ZFHX4: variants seen among roughly 807,000 people sequenced by gnomAD.
ZFHX4 encodes zinc finger homeobox 4, also known as zinc finger homeobox protein 4.
A neutral mutation model predicts 267.6 loss-of-function variants in ZFHX4; 56 were observed. The observed-to-expected ratio is 0.21, with a 90% confidence interval of 0.17 to 0.26. The LOEUF is 0.26. Among genes scored for constraint, ZFHX4 ranks in the 10% least tolerant of loss-of-function variants. The pLI is 1.00. For missense variants in ZFHX4, 4,332 were observed against 4,420.0 expected (o/e 0.98, Z 0.56); for synonymous variants, 1,778 against 1,665.6 (o/e 1.07, Z -1.64).
intron 10 of ZFHX4, among the ~76,000 whole-genome samples, chr8:76,860,574 G>A (rs1013186370): frequency 1.3e-5 from 2 of 152,028 alleles, no homozygotes; most frequent in Non-Finnish European, 2.9e-5. Flanking sequence ...ATTTAGGGGG[G>A]AAATTAGGTG....
chr8:76,702,778 G>T (rs749158170), intron 1 of ZFHX4, among the ~76,000 whole-genome samples: 8 of 152,182 alleles, frequency 5.3e-5, no homozygotes, highest in Non-Finnish European at 8.8e-5. Context: ...TTGAAATAAG[G>T]TTGCTTACCT....
intron 1 of ZFHX4, among the ~76,000 whole-genome samples, chr8:76,695,752 C>T (rs899002989): frequency 1.3e-5 from 2 of 152,336 alleles, no homozygotes; most frequent in African/African-American, 4.8e-5. Flanking sequence ...GTGAAATAAT[C>T]TGATACCTGT....
chr8:76,770,619 CAATT>C (rs1398204269), intron 3 of ZFHX4, among the ~76,000 whole-genome samples: 1 of 152,092 alleles, frequency 6.6e-6, no homozygotes, highest in Non-Finnish European at 1.5e-5. Context: ...AATCACCTAT[CAATT>C]AATTGTGCTA....
chr8:76,787,323 G>T (rs1810717528), intron 4 of ZFHX4, among the ~76,000 whole-genome samples: 2 of 152,088 alleles, frequency 1.3e-5, no homozygotes, highest in South Asian at 4.1e-4. Flanking sequence ...TATAGAAAAA[G>T]AGAGTCTTGA....
intron 1 of ZFHX4, 142 bp from the exon 2 acceptor site, chr8:76,703,897 TGATA>T (rs1808169463): frequency 8.2e-6 from 5 of 612,082 alleles, no homozygotes; most frequent in South Asian, 6.6e-5. Context: ...AGTCCGTCTG[TGATA>T]GATAGGCACG....
At chr8:76,766,045 A>G (rs1810043226) in intron 3 of ZFHX4, among the ~76,000 whole-genome samples, 1 of 152,122 alleles carries the variant, frequency 6.6e-6, no homozygotes, top group South Asian at 2.1e-4. Flanking sequence ...TCCTTCGGTG[A>G]TAGAAGGAAT....
Position 76,851,461 on chromosome 8 carries a change from G to C in ZFHX4, c.4540G>C (p.Gly1514Arg), listed in dbSNP as rs552567540. 1 of 1,613,810 alleles carries C rather than the reference G, an allele frequency of 6.2e-7. No homozygotes were observed. The highest frequency in any genetic ancestry group is 1.3e-5 in the African/African-American group (1 of 74,992). ...TAGTAGCTCTATTCCAGATGACATG[G>C]GCTCTGAACCAAAGCGGACCTTACC... ...SDSSSIPDDM[G>R]SEPKRTLPFR... The change falls in exon 10 of 11, where the codon GGC (glycine) becomes CGC (arginine). Residue 1514 changes from glycine (G) to arginine (R), a missense_variant. Around this residue, in one of 7 missense-constraint regions of ZFHX4, gnomAD observed 1,371 missense variants for 1,423.1 expected, o/e 0.96. Coordinates refer to ENST00000651372, the MANE Select transcript of ZFHX4 (RefSeq NM_024721.5).
intron 3 of ZFHX4, among the ~76,000 whole-genome samples, chr8:76,753,216 A>C (rs1034442224): frequency 1.3e-5 from 2 of 151,918 alleles, no homozygotes; most frequent in Admixed American, 6.6e-5. Flanking sequence ...TTTATCTTGG[A>C]CTCCCAGAAA....
intron 4 of ZFHX4, among the ~76,000 whole-genome samples, chr8:76,809,413 CT>C (rs1316085269): frequency 6.6e-6 from 1 of 152,060 alleles, no homozygotes; most frequent in Non-Finnish European, 1.5e-5. Flanking sequence ...GCCATGTTTT[CT>C]TTTTTTCCAG....
Position 76,705,532 on chromosome 8 carries a change from C to A in ZFHX4, c.1444C>A (p.Leu482Ile). 6.2e-7 allele frequency: 1 copy of A among 1,613,600 alleles called. No individual in the cohort carries two copies. Among genetic ancestry groups the A allele is most frequent in the Non-Finnish European group, 8.5e-7 (1 of 1,179,690 alleles). ...EDEEDAYSNE[L>I]DDEEVLGELT... is the part of the protein sequence containing the mutation. The stretch of plus-strand genomic sequence containing the variant: ...TGAAGAAGATGCGTACTCCAATGAA[C>A]TTGATGACGAGGAAGTATTAGGTGA... Residue 482 changes from leucine (L) to isoleucine (I), a missense_variant, in exon 2 of 11, where the codon CTT (leucine) becomes ATT (isoleucine). Transcript: ENST00000651372.
At position 76,706,485 on chromosome 8, in the gene ZFHX4, G is replaced by A; in HGVS notation, c.2397G>A (p.Gln799=). ...EKHMHNMMLL[Q]QNMKQIQHNL... is the part of the protein sequence containing the mutation. Reference sequence around the variant, plus strand: ...ACATGCATAATATGATGCTTTTGCAGCAGAACATGAAGCAGATCCAGCATA... The same window carrying A: ...ACATGCATAATATGATGCTTTTGCAACAGAACATGAAGCAGATCCAGCATA... Residue 799 remains glutamine (Q), a synonymous_variant, in exon 2 of 11, where the codon CAG becomes CAA. Transcript: ENST00000651372. The A allele has an allele frequency of 6.2e-7, 1 of 1,613,920 alleles. No homozygotes were observed. Among genetic ancestry groups the A allele is most frequent in the South Asian group, 1.1e-5 (1 of 91,030 alleles).
In ZFHX4 at chr8:76,851,451, A is replaced by G. The variant is rs369888535; in HGVS notation, c.4530A>G (p.Pro1510=). ...SPVGSDSSSI[P]DDMGSEPKRT... is the part of the protein sequence containing the mutation. ...TAGGAAGTGATAGTAGCTCTATTCC[A>G]GATGACATGGGCTCTGAACCAAAGC... Residue 1510 remains proline, a synonymous_variant, in exon 10 of 11, where the codon CCA becomes CCG. Transcript: ENST00000651372. 20 of 1,613,816 alleles carry G rather than the reference A, an allele frequency of 1.2e-5. No individual in the cohort carries two copies. The African/African-American group carries it at 2.7e-4, about 22-fold the overall frequency.
At chr8:76,756,595 AT>A (rs1472496215) in intron 3 of ZFHX4, among the ~76,000 whole-genome samples, 1 of 151,470 alleles carries the variant, frequency 6.6e-6, no homozygotes. Context: ...ATCTATTACC[AT>A]TTTTTTTCAA....
rs763801174 is a variant in ZFHX4, at chr8:76,707,562, G to A, written c.2607G>A (p.Pro869=). The change falls in exon 3 of 11, where the codon CCG becomes CCA. Residue 869 remains proline, a synonymous_variant. Transcript: ENST00000651372. ...LAPGLVNNEL[P]PEIRLASGQL... ...TTCCTGTAGTAAATAATGAGCTGCC[G>A]CCTGAAATCCGGCTTGCCAGTGGTC... The A allele has an allele frequency of 4.7e-5, 74 of 1,580,108 alleles. 1 individual carries two copies. The highest frequency in any genetic ancestry group is 1.6e-4 in the South Asian group (14 of 86,718).
At chr8:76,692,970 A>C (rs1807861864) in intron 1 of ZFHX4, among the ~76,000 whole-genome samples, 1 of 152,216 alleles carries the variant, frequency 6.6e-6, no homozygotes, top group South Asian at 2.1e-4. Flanking sequence ...TATTTAAGAC[A>C]AAGCATTTTT....
chr8:76,840,211 C>T (rs1812199381), intron 5 of ZFHX4, among the ~76,000 whole-genome samples: 2 of 152,140 alleles, frequency 1.3e-5, no homozygotes, highest in Non-Finnish European at 2.9e-5. Flanking sequence ...GGAAAAAAGT[C>T]ACAGAAGCAG....
intron 4 of ZFHX4, among the ~76,000 whole-genome samples, 170 bp from the exon 5 acceptor site, chr8:76,833,168 A>G (rs1425410984): frequency 6.6e-6 from 1 of 152,064 alleles, no homozygotes. Context: ...CCCTGGGCTC[A>G]TTTTGCCAGC....
intron 3 of ZFHX4, among the ~76,000 whole-genome samples, chr8:76,758,503 TG>T (rs1299763297): frequency 6.6e-6 from 1 of 152,160 alleles, no homozygotes; most frequent in Non-Finnish European, 1.5e-5. Flanking sequence ...TTTGTTTGTT[TG>T]TTTTTTTTGA....
chr8:76,768,742 T>C (rs1039160164), intron 3 of ZFHX4, among the ~76,000 whole-genome samples: 2 of 151,838 alleles, frequency 1.3e-5, no homozygotes, highest in African/African-American at 4.8e-5. Context: ...GCAGTATAGG[T>C]TTGGAGAGAA....
Sources: gnomAD v4.1 joint callset for allele counts (sites outside exome capture counted in the v4.1 genomes callset) on GRCh38, gnomAD v4.1.1 for gene constraint, gnomAD v4.1.1 regional missense constraint, MANE v1.5 for transcripts, NCBI Gene and HGNC (gene_info 2026-07-23, HGNC 2026-07-21) for gene names.